Variants in SH3BP5 observed in about 807,000 individuals in gnomAD.
The protein encoded by SH3BP5 is SH3 domain-binding protein 5.
In SH3BP5, 22 loss-of-function variants were observed where a neutral mutation model predicts 43.3. The ratio of observed to expected loss-of-function variants is 0.51; its 90% CI spans 0.36 to 0.73. SH3BP5 has a LOEUF of 0.73. Ranked by LOEUF, SH3BP5 falls within the 30% of genes least tolerant of loss-of-function variation. The pLI is 0.00. For missense variants in SH3BP5, 529 were observed against 586.9 expected, an observed-to-expected ratio of 0.90 and a Z score of 1.02; for synonymous variants, 255 against 225.8, an observed-to-expected ratio of 1.13 and a Z score of -1.16.
chr3:15,256,224 A>T lies in SH3BP5; in HGVS notation c.1230T>A (p.Ser410Arg), dbSNP rs746407482. 6.2e-7 allele frequency: 1 copy of T among 1,613,686 alleles called. No homozygotes were observed. The highest frequency in any genetic ancestry group is 8.5e-7 in the Non-Finnish European group (1 of 1,179,978). ...NNRGLSSSSG[S>R]GGSSKSQSST... ...TGCTTTGGCTCTTACTGCTGCCACC[A>T]CTGCCACTGCTACTGCTGAGGCCCC... The change falls in exon 9 of 9, where the codon AGT becomes AGA. Residue 410 changes from serine (S) to arginine (R), a missense_variant. By Grantham distance (110) the Ser-to-Arg change is moderately radical. Around this residue, in one of 3 missense-constraint regions of SH3BP5, gnomAD observed 369 missense variants for 384.3 expected, o/e 0.96. Transcript: ENST00000383791.
At chr3:15,286,374 G>A (rs775224849) in intron 3 of SH3BP5, among the ~76,000 whole-genome samples, 1 of 152,350 alleles carries the variant, frequency 6.6e-6, no homozygotes, top group East Asian at 1.9e-4. Context: ...AGCAAAGCAG[G>A]TCTGAGGAAC....
At chr3:15,289,299 A>G (rs1697346202) in intron 3 of SH3BP5, among the ~76,000 whole-genome samples, 1 of 152,222 alleles carries the variant, frequency 6.6e-6, no homozygotes, top group Non-Finnish European at 1.5e-5. Flanking sequence ...CTAGCAATGA[A>G]TGGAAAATGT....
chr3:15,339,948 C>A (rs1698744760), intron 1 of SH3BP5: 1 of 151,946 alleles, frequency 6.6e-6, no homozygotes. Flanking sequence ...CTATACCCTG[C>A]AAATCAATGA....
intron 2 of SH3BP5, among the ~76,000 whole-genome samples, chr3:15,324,856 C>CAAA (rs373214083): frequency 7.9e-5 from 9 of 114,244 alleles, no homozygotes; most frequent in South Asian, 2.8e-4. Flanking sequence ...TCCTTGGGTC[C>CAAA]AAAAAAAAAA....
At chr3:15,329,971 A>G (rs910327653) in intron 2 of SH3BP5, among the ~76,000 whole-genome samples, 2 of 152,246 alleles carry the variant, frequency 1.3e-5, no homozygotes, top group Non-Finnish European at 2.9e-5. Context: ...CAGTCTAAAC[A>G]GCTTTTTGTT....
At chr3:15,272,816 G>T (rs899703923) in intron 3 of SH3BP5, among the ~76,000 whole-genome samples, 6 of 152,176 alleles carry the variant, frequency 3.9e-5, no homozygotes, top group African/African-American at 1.4e-4. Flanking sequence ...GTGGCCCAGG[G>T]ACCTGCCCCT....
intron 3 of SH3BP5, among the ~76,000 whole-genome samples, chr3:15,272,559 A>AGATT (rs1559432626): frequency 9.9e-6 from 1 of 100,920 alleles, no homozygotes; most frequent in African/African-American, 5.1e-5. Flanking sequence ...TGCCTGTAGG[A>AGATT]TAAAGACATT....
intron 2 of SH3BP5, among the ~76,000 whole-genome samples, chr3:15,306,764 G>A (rs755460856): frequency 1.3e-5 from 2 of 152,088 alleles, no homozygotes; most frequent in African/African-American, 2.4e-5. Context: ...TGCCTCCCGG[G>A]TTCAAGCAAT....
chr3:15,298,494 T>G (rs1474535116), intron 3 of SH3BP5, among the ~76,000 whole-genome samples: 1 of 152,238 alleles, frequency 6.6e-6, no homozygotes, highest in Non-Finnish European at 1.5e-5. Context: ...ATTTTGCATT[T>G]GTGCTGCCCA....
At chr3:15,296,376 C>T (rs1697573399) in intron 3 of SH3BP5, among the ~76,000 whole-genome samples, 1 of 148,262 alleles carries the variant, frequency 6.7e-6, no homozygotes, top group South Asian at 2.1e-4. Context: ...ACACCCCTAT[C>T]CAGGTCAGTA....
Position 15,259,587 on chromosome 3 carries a change from A to G in SH3BP5, c.669+174T>C. 4 of 741,716 alleles carry G rather than the reference A, an allele frequency of 5.4e-6. No homozygotes were observed. The East Asian group carries it at 1.0e-4, about 19-fold the overall frequency. 45.9% of individuals were successfully genotyped at this position (741,716 alleles called of 1,614,324 possible). On this transcript the variant is annotated intron_variant, in intron 6 of 8. Coordinates refer to ENST00000383791, the MANE Select transcript of SH3BP5 (RefSeq NM_004844.5). ...GACTGAATGGCAGTTACAGAGGTTCAGAGACCACTGAAGACCCAACCGAGA... is the reference window on the plus strand; with the variant it reads ...GACTGAATGGCAGTTACAGAGGTTCGGAGACCACTGAAGACCCAACCGAGA...
At chr3:15,301,277 G>A (rs896025755) in intron 3 of SH3BP5, among the ~76,000 whole-genome samples, 2 of 152,142 alleles carry the variant, frequency 1.3e-5, no homozygotes, top group Non-Finnish European at 2.9e-5. Context: ...TGTGAGTAAA[G>A]GAGCAACGGA....
intron 3 of SH3BP5, chr3:15,273,502 T>G (rs766503641): frequency 5.8e-5 from 35 of 606,492 alleles, no homozygotes; most frequent in Non-Finnish European, 6.8e-5. Context: ...GCGAGATTCC[T>G]TCTCCTGTAC....
At chr3:15,305,981 C>T (rs1697891642) in intron 2 of SH3BP5, among the ~76,000 whole-genome samples, 1 of 151,864 alleles carries the variant, frequency 6.6e-6, no homozygotes, top group Non-Finnish European at 1.5e-5. Context: ...AACCCCACAT[C>T]CCCTCTACCT....
intron 3 of SH3BP5, among the ~76,000 whole-genome samples, chr3:15,279,199 C>G (rs1392212476): frequency 6.6e-6 from 1 of 152,072 alleles, no homozygotes; most frequent in East Asian, 1.9e-4. Flanking sequence ...AAAAAAAGAT[C>G]TAAAAATTTG....
chr3:15,272,726 C>T (rs17040940), intron 3 of SH3BP5, among the ~76,000 whole-genome samples: 6,975 of 138,988 alleles, frequency 0.05, 858 homozygotes, highest in African/African-American at 0.2. Flanking sequence ...GTAGGAGATT[C>T]GATGATACCT....
intron 2 of SH3BP5, among the ~76,000 whole-genome samples, chr3:15,319,366 G>A (rs564031901): frequency 1.3e-5 from 2 of 152,254 alleles, no homozygotes; most frequent in South Asian, 2.1e-4. Context: ...ACTAAAATGT[G>A]GTTGTTTATG....
chr3:15,255,865 C>T lies in SH3BP5; in HGVS notation c.*221G>A, dbSNP rs1311996824. Reference sequence around the variant, plus strand: ...GGAATGTTCCACAAAGGCTGTGAACCTAGTCACAGTCTACCCACAACAAGA... The same window carrying T: ...GGAATGTTCCACAAAGGCTGTGAACTTAGTCACAGTCTACCCACAACAAGA... On this transcript the variant is annotated 3_prime_UTR_variant, in exon 9 of 9. Transcript: ENST00000383791. 7 of 531,864 alleles carry T rather than the reference C, an allele frequency of 1.3e-5. No homozygotes were observed. Among genetic ancestry groups the T allele is most frequent in the Middle Eastern group, 5.0e-4 (1 of 2,012 alleles). The allele number at this position is 531,864 out of a possible 1,614,324, so 32.9% of individuals were successfully genotyped here.
intron 3 of SH3BP5, among the ~76,000 whole-genome samples, chr3:15,286,636 C>A (rs1697273177): frequency 6.6e-6 from 1 of 152,222 alleles, no homozygotes; most frequent in Non-Finnish European, 1.5e-5. Flanking sequence ...TCAGTGCAGC[C>A]TCAACCTCCT....
Sources: allele counts gnomAD v4.1 joint callset (sites outside exome capture counted in the v4.1 genomes callset), GRCh38; gene constraint gnomAD v4.1.1; regional missense constraint gnomAD v4.1.1; transcripts MANE v1.5; gene names NCBI Gene and HGNC (gene_info 2026-07-23, HGNC 2026-07-21).